Variants in GALNS observed in about 807,000 individuals in gnomAD.
GALNS encodes the protein galactosamine (N-acetyl)-6-sulfatase.
A neutral mutation model predicts 65.9 loss-of-function variants in GALNS; 65 were observed. The ratio of observed to expected loss-of-function variants is 0.99; its 90% CI spans 0.81 to 1.21. The LOEUF (loss-of-function observed/expected upper bound fraction) is 1.21, where lower values mean the gene tolerates loss of function less well. Ranked by LOEUF, GALNS falls within the 50% of genes most tolerant of loss-of-function variation. The probability of loss-of-function intolerance (pLI) is 0.00; values close to 1 mark genes in which losing one functional copy is unlikely to be tolerated. For missense variants in GALNS, 776 were observed against 700.7 expected (o/e 1.11, Z -1.21); for synonymous variants, 346 against 288.9 (o/e 1.20, Z -2.00).
At chr16:88,842,078 C>T (rs776749360) in intron 2 of GALNS, 107 bp from the exon 3 acceptor site, 43 of 1,006,150 alleles carry the variant, frequency 4.3e-5, no homozygotes, top group Non-Finnish European at 5.5e-5. Flanking sequence ...AGACGAGGCA[C>T]GCGCAGGTTT....
intron 3 of GALNS, 129 bp from the exon 4 acceptor site, chr16:88,841,223 G>A (rs1966954733): frequency 2.5e-5 from 19 of 756,950 alleles, no homozygotes; most frequent in Middle Eastern, 3.4e-4. Flanking sequence ...GTCAAAGGCT[G>A]TGCCTGGGGG....
At chr16:88,853,496 G>A (rs1269778039) in intron 1 of GALNS, among the ~76,000 whole-genome samples, 1 of 152,170 alleles carries the variant, frequency 6.6e-6, no homozygotes, top group African/African-American at 2.4e-5. Context: ...GGCTGCTGTG[G>A]CAACAGGAGC....
At chr16:88,816,067 C>G (rs1246589349) in intron 13 of GALNS, 1 of 985,450 alleles carries the variant, frequency 1.0e-6, no homozygotes, top group East Asian at 1.1e-4. Flanking sequence ...TGGCTCTGCT[C>G]ACGGTGGCAT....
intron 5 of GALNS, among the ~76,000 whole-genome samples, chr16:88,836,898 G>A (rs895484002): frequency 6.6e-6 from 1 of 152,182 alleles, no homozygotes; most frequent in Non-Finnish European, 1.5e-5. Context: ...CAGGCCATGG[G>A]GCTCGTTCTG....
intron 3 of GALNS, 66 bp from the exon 4 acceptor site, chr16:88,841,160 C>G: frequency 8.1e-7 from 1 of 1,239,382 alleles, no homozygotes; most frequent in Non-Finnish European, 1.2e-6. Context: ...CCCATCCTAA[C>G]AGGACACTGG....
At chr16:88,854,880 G>C (rs573400744) in intron 1 of GALNS, among the ~76,000 whole-genome samples, 1 of 152,364 alleles carries the variant, frequency 6.6e-6, no homozygotes, top group East Asian at 1.9e-4. Context: ...CCAGGACACA[G>C]CTCCTCTGGG....
At chr16:88,854,021 C>T (rs891382557) in intron 1 of GALNS, among the ~76,000 whole-genome samples, 1 of 152,204 alleles carries the variant, frequency 6.6e-6, no homozygotes, top group African/African-American at 2.4e-5. Context: ...TCTGAAACTG[C>T]ACTTGCTTAG....
intron 8 of GALNS, among the ~76,000 whole-genome samples, chr16:88,833,984 C>G (rs78575714): frequency 0.054 from 8,230 of 151,868 alleles, 293 homozygotes; most frequent in Middle Eastern, 0.17. Flanking sequence ...CCCCCCCGGG[C>G]TCCCCATGGG....
At position 88,842,692 on chromosome 16, in the gene GALNS, C is replaced by A. The variant is rs760644878; in HGVS notation, c.244+14G>T. The A allele has an allele frequency of 1.9e-6, 3 of 1,611,592 alleles. No individual in the cohort carries two copies. The Admixed American group carries it at 5.0e-5, about 27-fold the overall frequency. ...GCTCACCCCTTCCTGGGGGCGAGGGCCCCGCTGACTTACATGGCGAGCACA... is the reference window on the plus strand; with the variant it reads ...GCTCACCCCTTCCTGGGGGCGAGGGACCCGCTGACTTACATGGCGAGCACA... On this transcript the variant is annotated intron_variant, in intron 2 of 13. Coordinates refer to ENST00000268695, the MANE Select transcript of GALNS (RefSeq NM_000512.5).
intron 4 of GALNS, 199 bp from the exon 5 acceptor site, chr16:88,837,964 C>T (rs1912319362): frequency 1.7e-6 from 1 of 595,776 alleles, no homozygotes; most frequent in Non-Finnish European, 3.0e-6. Flanking sequence ...CCCGCCTACC[C>T]TGCAGAGCGT....
At position 88,835,615 on chromosome 16, in the gene GALNS, T is replaced by C. The variant is rs928408750; in HGVS notation, c.758+110A>G. ...CGGCTTCAAAGGGGTGGGGTTGCTC[T>C]GGCCTTTCCATAATTGGCCTAAATG... On this transcript the variant is annotated intron_variant, in intron 7 of 13. Transcript: ENST00000268695. 1.2e-5 allele frequency: 19 copies of C among 1,540,626 alleles called. No individual in the cohort carries two copies. In the African/African-American group the frequency reaches 2.4e-4, roughly 20 times the overall value.
intron 9 of GALNS, among the ~76,000 whole-genome samples, chr16:88,830,025 G>A (rs1032954203): frequency 6.6e-6 from 1 of 152,142 alleles, no homozygotes; most frequent in African/African-American, 2.4e-5. Flanking sequence ...GAGGTCAGGA[G>A]ATTGAGACCA....
chr16:88,840,433 G>C (rs189433472), intron 4 of GALNS: 1 of 177,962 alleles, frequency 5.6e-6, no homozygotes, highest in Non-Finnish European at 1.2e-5. Flanking sequence ...TCACTCAGGC[G>C]TCCCAGGGAG....
chr16:88,815,554 A>G, intron 13 of GALNS: 1 of 985,398 alleles, frequency 1.0e-6, no homozygotes, highest in Non-Finnish European at 1.2e-6. Context: ...AGAAAGGGAG[A>G]CTTATGCCGC....
At chr16:88,840,431 G>A (rs1326781722) in intron 4 of GALNS, 1 of 175,746 alleles carries the variant, frequency 5.7e-6, no homozygotes, top group Non-Finnish European at 1.2e-5. Context: ...GCTCACTCAG[G>A]CGTCCCAGGG....
Position 88,832,073 on chromosome 16 carries a change from C to T in GALNS, c.927G>A (p.Gly309=), listed in dbSNP as rs760980544. The stretch of plus-strand genomic sequence containing the variant: ...TCCCTCCTTCAAACGTGGTCTGCTT[C>T]CCACACAGAAAGGGGCCGTTGCTGC... The part of the protein sequence containing the change: ...QGGSNGPFLC[G]KQTTFEGGMR... The change falls in exon 9 of 14, where the codon GGG becomes GGA. Residue 309 remains glycine (G), a synonymous_variant. Transcript: ENST00000268695. 1.4e-5 allele frequency: 23 copies of T among 1,613,804 alleles called. No homozygotes were observed. Among genetic ancestry groups the T allele is most frequent in the African/African-American group, 2.7e-5 (2 of 74,884 alleles).
At chr16:88,823,725 C>T (rs1362682490) in intron 11 of GALNS, among the ~76,000 whole-genome samples, 2 of 136,614 alleles carry the variant, frequency 1.5e-5, no homozygotes, top group African/African-American at 5.7e-5. Context: ...GGACGGCCCT[C>T]GCAGGCGGCA....
rs1306790213 is a variant in GALNS, at chr16:88,856,019, A to G, written c.120+739T>C. On this transcript the variant is annotated intron_variant, in intron 1 of 13. Coordinates refer to ENST00000268695, the MANE Select transcript of GALNS (RefSeq NM_000512.5). ...CCAAGCTTGGAGACAGTAGGGTTTC[A>G]ACCCAGGTGTGTCTGGGGTCCTGCA... 5 of 605,418 alleles carry G rather than the reference A, an allele frequency of 8.3e-6. No homozygotes were observed. In the Admixed American group the frequency reaches 1.4e-4, roughly 17 times the overall value. 37.5% of individuals were successfully genotyped at this position (605,418 alleles called of 1,614,324 possible).
Position 88,841,105 on chromosome 16 carries a change from A to T in GALNS, c.320-11T>A. ...CCTGCGGTGTGTAGGCTGGAAGAGC[A>T]GCGCTGGGTGAGCCCCGAGGAGACC... On this transcript the variant is annotated splice_polypyrimidine_tract_variant and intron_variant, in intron 3 of 13. Transcript: ENST00000268695. 6.2e-7 allele frequency: 1 copy of T among 1,609,676 alleles called. No homozygotes were observed. Among genetic ancestry groups the T allele is most frequent in the Non-Finnish European group, 8.5e-7 (1 of 1,176,966 alleles).
Sources: gnomAD v4.1 joint callset for allele counts (sites outside exome capture counted in the v4.1 genomes callset) on GRCh38, gnomAD v4.1.1 for gene constraint, MANE v1.5 for transcripts, NCBI Gene and HGNC (gene_info 2026-07-23, HGNC 2026-07-21) for gene names.